MTUS2: variants seen among roughly 807,000 people sequenced by gnomAD.
MTUS2 encodes microtubule associated scaffold protein 2, also known as microtubule-associated tumor suppressor candidate 2.
In MTUS2, 40 loss-of-function variants were observed where a neutral mutation model predicts 114.1. The observed-to-expected ratio is 0.35, with a 90% confidence interval of 0.27 to 0.46. The LOEUF (loss-of-function observed/expected upper bound fraction) is 0.46. Among genes scored for constraint, MTUS2 ranks in the 20% least tolerant of loss-of-function variants. The pLI, the probability that MTUS2 is intolerant of heterozygous loss-of-function variation, is 1.00. For synonymous variants in MTUS2, 688 were observed against 672.0 expected (o/e 1.02, Z -0.37); for missense variants, 1,679 against 1,705.4 (o/e 0.98, Z 0.27).
At chr13:29,187,758 C>A (rs1894284826) in intron 5 of MTUS2, among the ~76,000 whole-genome samples, 2 of 152,182 alleles carry the variant, frequency 1.3e-5, no homozygotes, top group South Asian at 4.1e-4. Flanking sequence ...GCCTGCTTAT[C>A]CAACCTGATG....
At chr13:29,217,238 T>C (rs1317354886) in intron 5 of MTUS2, among the ~76,000 whole-genome samples, 1 of 152,196 alleles carries the variant, frequency 6.6e-6, no homozygotes, top group African/African-American at 2.4e-5. Context: ...TTTACAGCAA[T>C]GGTATTATAT....
At chr13:29,328,136 T>C (rs1190538401) in intron 7 of MTUS2, among the ~76,000 whole-genome samples, 2 of 152,192 alleles carry the variant, frequency 1.3e-5, no homozygotes, top group Non-Finnish European at 2.9e-5. Context: ...TTCTTTCTTA[T>C]GTTATAAATT....
At chr13:29,254,083 G>A (rs1293476698) in intron 5 of MTUS2, among the ~76,000 whole-genome samples, 2 of 152,146 alleles carry the variant, frequency 1.3e-5, no homozygotes, top group Non-Finnish European at 2.9e-5. Flanking sequence ...TGTGTTAGAA[G>A]GTGAGATAGG....
chr13:29,341,662 T>G lies in MTUS2; in HGVS notation c.2905+16951T>G, dbSNP rs548490488. Reference sequence around the variant, plus strand: ...TTTAGTTGAATTAAGTCCCAGCTATTTATCTCTCTTTTTATTGCATTTGCT... The same window carrying G: ...TTTAGTTGAATTAAGTCCCAGCTATGTATCTCTCTTTTTATTGCATTTGCT... On this transcript the variant is annotated intron_variant, in intron 7 of 15. Coordinates refer to ENST00000612955, the MANE Select transcript of MTUS2 (RefSeq NM_001033602.4). Among the ~76,000 whole-genome samples, 6 of 152,258 alleles carry G rather than the reference T, an allele frequency of 3.9e-5. No individual in the cohort carries two copies. In the South Asian group the frequency reaches 1.2e-3, roughly 32 times the overall value.
chr13:29,382,266 C>T (rs185098012), intron 8 of MTUS2, among the ~76,000 whole-genome samples: 6 of 152,240 alleles, frequency 3.9e-5, no homozygotes, highest in South Asian at 2.1e-4. Flanking sequence ...AGAGCAAAAG[C>T]GGATCCTCTG....
Position 29,134,723 on chromosome 13 carries a change from G to GAT in MTUS2, c.2644+33754_2644+33755insTA, listed in dbSNP as rs1450644435. ...AGCAATTATCCCGCCTTAGCTTCCC[G>GAT]AGTAGCTGGGATTACAGGCATCCGC... On this transcript the variant is annotated intron_variant, in intron 5 of 15. Coordinates refer to ENST00000612955, the MANE Select transcript of MTUS2 (RefSeq NM_001033602.4). Among the ~76,000 whole-genome samples the GAT allele has an allele frequency of 3.3e-5, 5 of 152,034 alleles. No individual in the cohort carries two copies. The East Asian group carries it at 5.8e-4, about 18-fold the overall frequency.
At chr13:29,056,071 A>G (rs535826842) in intron 4 of MTUS2, among the ~76,000 whole-genome samples, 1 of 152,134 alleles carries the variant, frequency 6.6e-6, no homozygotes, top group Non-Finnish European at 1.5e-5. Flanking sequence ...ATTAAGTCCC[A>G]TTTATCAATT....
At chr13:29,286,678 C>CTATA (rs1555261580) in intron 6 of MTUS2, among the ~76,000 whole-genome samples, 2 of 151,028 alleles carry the variant, frequency 1.3e-5, no homozygotes, top group East Asian at 3.9e-4. Flanking sequence ...GTCTGTCTAT[C>CTATA]TATCTATCTA....
chr13:29,019,313 C>T (rs150010735), intron 2 of MTUS2, among the ~76,000 whole-genome samples: 1 of 152,220 alleles, frequency 6.6e-6, no homozygotes, highest in East Asian at 1.9e-4. Context: ...CCGGGGGCTG[C>T]TGTTTTGTCC....
intron 2 of MTUS2, among the ~76,000 whole-genome samples, chr13:28,981,550 T>C (rs1884359391): frequency 6.6e-6 from 1 of 152,172 alleles, no homozygotes; most frequent in Non-Finnish European, 1.5e-5. Flanking sequence ...TTTCGCTGCA[T>C]GTAAATTATA....
intron 2 of MTUS2, among the ~76,000 whole-genome samples, chr13:28,896,474 G>C (rs1285519558): frequency 1.3e-5 from 2 of 152,146 alleles, no homozygotes; most frequent in African/African-American, 4.8e-5. Flanking sequence ...TGGCCCTACT[G>C]TCCAAAGTAA....
chr13:29,380,231 C>A (rs1362780847), intron 8 of MTUS2, among the ~76,000 whole-genome samples: 1 of 152,188 alleles, frequency 6.6e-6, no homozygotes. Context: ...CCATGGCAGG[C>A]AGGTAGAGAC....
At chr13:29,062,888 TA>T in intron 4 of MTUS2, among the ~76,000 whole-genome samples, 1 of 152,334 alleles carries the variant, frequency 6.6e-6, no homozygotes, top group East Asian at 1.9e-4. Flanking sequence ...TTCTGGAGAA[TA>T]AAAGAATCTG....
At chr13:28,964,684 T>C (rs1017679455) in intron 2 of MTUS2, among the ~76,000 whole-genome samples, 2 of 119,966 alleles carry the variant, frequency 1.7e-5, no homozygotes, top group African/African-American at 5.8e-5. Context: ...GGTCATTGTT[T>C]CAATGAACTG....
rs1173195051 is a variant in MTUS2 at position 29,281,805 on chromosome 13, A to G, written c.2746A>G (p.Ser916Gly). Residue 916 changes from serine (S) to glycine (G), a missense_variant, in exon 6 of 16, where the codon AGT becomes GGT. Physicochemically the swap from Ser to Gly is moderately conservative, Grantham distance 56. Coordinates refer to ENST00000612955, the MANE Select transcript of MTUS2 (RefSeq NM_001033602.4). ...CCGGGTGGCCCCTCCAGCATCCTCCAGTGTGACAGCACCCCGCAGGAGTTT... is the reference window on the plus strand; with the variant it reads ...CCGGGTGGCCCCTCCAGCATCCTCCGGTGTGACAGCACCCCGCAGGAGTTT... ...AGRVAPPASS[S>G]VTAPRRSLLP... The G allele has an allele frequency of 1.2e-6, 2 of 1,612,212 alleles. No individual in the cohort carries two copies. Among genetic ancestry groups the G allele is most frequent in the South Asian group, 2.2e-5 (2 of 91,008 alleles).
In MTUS2 at chr13:28,839,794, T is replaced by C. The variant is rs1875345321; in HGVS notation, c.-299T>C. On this transcript the variant is annotated 5_prime_UTR_variant, in exon 2 of 16. Transcript: ENST00000612955. ...CTTTTTAAGGTTTCCACAGCTGGAT[T>C]GTTTACTAGGGCCAATTGTCACCAA... The C allele has an allele frequency of 6.6e-6, 1 of 152,202 alleles. No homozygotes were observed. Among genetic ancestry groups the C allele is most frequent in the Admixed American group, 6.5e-5 (1 of 15,282 alleles). 9.4% of individuals were successfully genotyped at this position (152,202 alleles called of 1,614,324 possible). A position where few individuals can be genotyped will look rare whatever the true frequency, so the allele number is the denominator to read the frequency against.
At chr13:29,479,213 T>C (rs1201009693) in intron 9 of MTUS2, among the ~76,000 whole-genome samples, 1 of 152,178 alleles carries the variant, frequency 6.6e-6, no homozygotes, top group African/African-American at 2.4e-5. Context: ...TGGTAGACCT[T>C]TGTAGAATGT....
intron 2 of MTUS2, among the ~76,000 whole-genome samples, chr13:28,842,508 G>A (rs1306627593): frequency 3.3e-5 from 5 of 152,126 alleles, no homozygotes; most frequent in Non-Finnish European, 5.9e-5. Context: ...GAAAACACTG[G>A]CTTAATGAAT....
At position 29,501,034 on chromosome 13, in the gene MTUS2, GCA is replaced by G; in HGVS notation, c.3799-61_3799-60del. The G allele has an allele frequency of 4.8e-5, 63 of 1,303,554 alleles. No individual in the cohort carries two copies. In the South Asian group the frequency reaches 6.6e-4, roughly 14 times the overall value. 80.7% of individuals were successfully genotyped at this position (1,303,554 alleles called of 1,614,324 possible). ...AATCCTCCAATGCCCAGAGCTGAGG[GCA>G]CCGGTTTACTCCCGATTTTATGGCC... On this transcript the variant is annotated intron_variant, in intron 14 of 15. Transcript: ENST00000612955.
Sources: allele counts gnomAD v4.1 joint callset (sites outside exome capture counted in the v4.1 genomes callset), GRCh38; gene constraint gnomAD v4.1.1; transcripts MANE v1.5; gene names NCBI Gene and HGNC (gene_info 2026-07-23, HGNC 2026-07-21).